TNS1: variants seen among roughly 807,000 people sequenced by gnomAD.
TNS1 encodes the protein tensin 1, also known as tensin-1.
TNS1 carries 62 observed loss-of-function variants against 168.6 expected under a neutral mutation model. That is an observed-to-expected ratio of 0.37 (90% confidence interval 0.30 to 0.45). The LOEUF (loss-of-function observed/expected upper bound fraction) is 0.45. Ranked by LOEUF, TNS1 falls within the 20% of genes least tolerant of loss-of-function variation. The pLI is 1.00. For synonymous variants in TNS1, 934 were observed against 933.2 expected (o/e 1.00, Z -0.02); for missense variants, 2,240 against 2,339.4 (o/e 0.96, Z 0.88).
rs536895638 is a variant in TNS1, at chr2:217,995,404, G to C, written c.34-4348C>G. On this transcript the variant is annotated intron_variant, in intron 1 of 32. Coordinates refer to ENST00000682258, the MANE Select transcript of TNS1 (RefSeq NM_001387777.1). The surrounding 1 kb of genome is among the most constrained non-coding windows in gnomAD (Gnocchi z 4.1). Reference sequence around the variant, plus strand: ...GTTCAGAAGGCAAAACCAAAACCAGGGGGCAGGCACTGCAAGAAGGCATAA... The same window carrying C: ...GTTCAGAAGGCAAAACCAAAACCAGCGGGCAGGCACTGCAAGAAGGCATAA... Among the ~76,000 whole-genome samples, 213 of 152,166 alleles carry C rather than the reference G, an allele frequency of 1.4e-3. 5 individuals carry two copies. In the South Asian group the frequency reaches 0.043, roughly 31 times the overall value.
At chr2:217,865,217 G>A (rs1949165680) in intron 18 of TNS1, among the ~76,000 whole-genome samples, 1 of 152,210 alleles carries the variant, frequency 6.6e-6, no homozygotes, top group Admixed American at 6.5e-5. Flanking sequence ...GCATGAGTAG[G>A]TGCAGAGGTG....
At chr2:217,978,502 C>A (rs1957948856) in intron 3 of TNS1, among the ~76,000 whole-genome samples, 1 of 151,824 alleles carries the variant, frequency 6.6e-6, no homozygotes, top group African/African-American at 2.4e-5. Context: ...CCATCAGCCA[C>A]CCCCGGTAAC....
intron 1 of TNS1, among the ~76,000 whole-genome samples, chr2:218,017,795 G>C (rs1490275446): frequency 1.3e-5 from 2 of 152,206 alleles, no homozygotes; most frequent in Admixed American, 1.3e-4. Context: ...AGGTACCCTC[G>C]GGAGCTACTG....
chr2:217,848,518 T>C lies in TNS1; in HGVS notation c.1999A>G (p.Asn667Asp). 1 of 1,613,648 alleles carries C rather than the reference T, an allele frequency of 6.2e-7. No individual in the cohort carries two copies. Among genetic ancestry groups the C allele is most frequent in the African/African-American group, 1.3e-5 (1 of 75,046 alleles). Residue 667 changes from asparagine to aspartate, a missense_variant, in exon 19 of 33, where the codon AAC (asparagine) becomes GAC (aspartate). Asn to Asp is a conservative substitution (Grantham distance 23). This residue lies in a region of TNS1 where 2,131 missense variants were observed against 2,171.2 expected (regional missense o/e 0.98). Transcript: ENST00000682258. ...GYPEALSPLT[N>D]GLDKSYPMEP... ...ATGGGGTAGGACTTGTCCAGACCGT[T>C]GGTCAGTGGGGACAGGGCCTCTGGG...
At chr2:217,893,054 A>T (rs1411577515) in intron 10 of TNS1, 42 bp from the exon 11 acceptor site, 5 of 1,610,824 alleles carry the variant, frequency 3.1e-6, no homozygotes, top group Non-Finnish European at 4.2e-6. Context: ...TTCTAAGGCC[A>T]GCCTTGCTGC....
intron 1 of TNS1, among the ~76,000 whole-genome samples, chr2:218,021,073 A>G (rs1459639098): frequency 6.6e-6 from 1 of 152,238 alleles, no homozygotes; most frequent in Non-Finnish European, 1.5e-5. Flanking sequence ...TCCCTGGCAG[A>G]GCACTGAATA....
At chr2:217,886,729 G>T (rs1951240308) in intron 12 of TNS1, 83 bp from the exon 13 acceptor site, 17 of 1,090,780 alleles carry the variant, frequency 1.6e-5, no homozygotes, top group Non-Finnish European at 2.3e-5. Flanking sequence ...CAAGAACATT[G>T]CCCTAGACCA....
intron 18 of TNS1, among the ~76,000 whole-genome samples, chr2:217,868,897 T>C (rs1318549989): frequency 1.3e-5 from 2 of 152,240 alleles, no homozygotes; most frequent in African/African-American, 4.8e-5. Context: ...TTAATTTTAA[T>C]GGAGGCAGCC....
At chr2:217,964,555 G>A (rs1051836840) in intron 3 of TNS1, among the ~76,000 whole-genome samples, 1 of 152,206 alleles carries the variant, frequency 6.6e-6, no homozygotes, top group African/African-American at 2.4e-5. Flanking sequence ...ATCTTGTAGT[G>A]TTGCTGTGAG....
chr2:217,945,882 C>T (rs1354772877), intron 3 of TNS1, among the ~76,000 whole-genome samples: 4 of 152,122 alleles, frequency 2.6e-5, no homozygotes, highest in Non-Finnish European at 5.9e-5. Context: ...TTAGGGGATC[C>T]CGGGTCAGTT....
chr2:217,805,527 A>C (rs1559132219), intron 32 of TNS1, among the ~76,000 whole-genome samples: 1 of 26,620 alleles, frequency 3.8e-5, no homozygotes, highest in Non-Finnish European at 8.4e-5. Context: ...CACACACACC[A>C]CACACACCAC....
At position 217,847,534 on chromosome 2, in the gene TNS1, C is replaced by G. The variant is rs1168284402; in HGVS notation, c.2983G>C (p.Gly995Arg). 7 of 1,472,160 alleles carry G rather than the reference C, an allele frequency of 4.8e-6. No individual in the cohort carries two copies. The Admixed American group carries it at 9.0e-5, about 19-fold the overall frequency. The allele number at this position is 1,472,160 out of a possible 1,614,324, so 91.2% of individuals were successfully genotyped here. ...CCTGCTACCCTGTGGGCCACCAGCC[C>G]TTCTAAATTCAATGGCTCCTCCTCT... ...TPEEEPLNLE[G>R]LVAHRVAGVQ... is the part of the protein sequence containing the mutation. Residue 995 changes from glycine to arginine, a missense_variant, in exon 19 of 33, where the codon GGG becomes CGG. Around this residue, in one of 2 missense-constraint regions of TNS1, gnomAD observed 2,131 missense variants for 2,171.2 expected, o/e 0.98. Coordinates refer to ENST00000682258, the MANE Select transcript of TNS1 (RefSeq NM_001387777.1).
chr2:217,935,017 A>G (rs1956528121), intron 3 of TNS1, among the ~76,000 whole-genome samples: 1 of 152,228 alleles, frequency 6.6e-6, no homozygotes, highest in African/African-American at 2.4e-5. Flanking sequence ...CACAGTGCCA[A>G]AAGGGACTAG....
chr2:217,935,898 C>G (rs1306681714), intron 3 of TNS1, among the ~76,000 whole-genome samples: 1 of 152,176 alleles, frequency 6.6e-6, no homozygotes, highest in Non-Finnish European at 1.5e-5. Flanking sequence ...GGTCAGGATT[C>G]ACATGCAGAC....
At chr2:218,017,307 G>A (rs1287878081) in intron 1 of TNS1, among the ~76,000 whole-genome samples, 2 of 152,228 alleles carry the variant, frequency 1.3e-5, no homozygotes, top group South Asian at 2.1e-4. Context: ...CTTTAGGGCA[G>A]AGCAGAGCAG....
intron 18 of TNS1, chr2:217,859,805 T>A: frequency 1.1e-6 from 1 of 897,126 alleles, no homozygotes; most frequent in Non-Finnish European, 1.7e-6. Context: ...GAAAGGCAGG[T>A]GAACGGCCCT....
chr2:218,007,637 G>A (rs1055921419), upstream of TNS1, among the ~76,000 whole-genome samples: 1 of 151,906 alleles, frequency 6.6e-6, no homozygotes, highest in African/African-American at 2.4e-5. Flanking sequence ...CTACTACATG[G>A]GTCAGGATGA....
intron 3 of TNS1, among the ~76,000 whole-genome samples, chr2:217,972,323 T>C (rs1957790126): frequency 6.6e-6 from 1 of 152,242 alleles, no homozygotes; most frequent in Admixed American, 6.5e-5. Context: ...GAGCCATCGA[T>C]GGTCCTGGGG....
intron 18 of TNS1, chr2:217,849,677 C>T: frequency 1.0e-6 from 1 of 985,436 alleles, no homozygotes; most frequent in South Asian, 4.7e-5. Context: ...AAAGTCTCAC[C>T]CCTGCTTCGA....
Sources: allele counts gnomAD v4.1 joint callset (sites outside exome capture counted in the v4.1 genomes callset), GRCh38; gene constraint gnomAD v4.1.1; regional missense constraint gnomAD v4.1.1; non-coding constraint Gnocchi (gnomAD v3.1); transcripts MANE v1.5; gene names NCBI Gene and HGNC (gene_info 2026-07-23, HGNC 2026-07-21).